The following EIF3H variants were observed in gnomAD, a reference collection of about 807,000 sequenced individuals.
EIF3H encodes eukaryotic translation initiation factor 3 subunit H.
EIF3H carries 26 observed loss-of-function variants against 44.2 expected under a neutral mutation model. The ratio of observed to expected loss-of-function variants is 0.59; its 90% CI spans 0.43 to 0.82. EIF3H has a LOEUF of 0.82. Among genes scored for constraint, EIF3H ranks in the 40% least tolerant of loss-of-function variants. The pLI is 0.00. For synonymous variants in EIF3H, 166 were observed against 151.9 expected (o/e 1.09, Z -0.68); for missense variants, 359 against 432.8 (o/e 0.83, Z 1.51).
chr8:116,765,393 C>A (rs1815561213), intron 1 of EIF3H: 1 of 152,152 alleles, frequency 6.6e-6, no homozygotes, highest in Non-Finnish European at 1.5e-5. Context: ...TGCATTCAAT[C>A]ACGTTGTAAA....
intron 2 of EIF3H, among the ~76,000 whole-genome samples, chr8:116,690,223 A>G (rs1814150571): frequency 6.6e-6 from 1 of 152,214 alleles, no homozygotes; most frequent in South Asian, 2.1e-4. Flanking sequence ...GATGGACCAC[A>G]CAGCAGAAAC....
chr8:116,659,025 G>T, intron 2 of EIF3H, 45 bp from the exon 3 acceptor site: 1 of 1,524,706 alleles, frequency 6.6e-7, no homozygotes, highest in Non-Finnish European at 8.8e-7. Context: ...ACTTTTTAAT[G>T]ATGTTACCAA....
intron 1 of EIF3H, among the ~76,000 whole-genome samples, chr8:116,743,165 A>G (rs949446958): frequency 5.3e-5 from 8 of 152,320 alleles, no homozygotes; most frequent in African/African-American, 1.9e-4. Context: ...GCTGGCAGGC[A>G]AGGCCAGGTG....
intron 1 of EIF3H, among the ~76,000 whole-genome samples, chr8:116,727,007 T>G (rs1037879757): frequency 6.6e-6 from 1 of 152,192 alleles, no homozygotes; most frequent in African/African-American, 2.4e-5. Context: ...GGCAACACAT[T>G]CAAAATTGTA....
chr8:116,714,143 T>C (rs1489582787), intron 2 of EIF3H, among the ~76,000 whole-genome samples: 2 of 152,094 alleles, frequency 1.3e-5, no homozygotes, highest in Admixed American at 6.5e-5. Flanking sequence ...AAAAAATATA[T>C]ACATATTAGT....
chr8:116,651,946 G>A (rs1448418339), intron 5 of EIF3H, among the ~76,000 whole-genome samples: 1 of 152,158 alleles, frequency 6.6e-6, no homozygotes, highest in Non-Finnish European at 1.5e-5. Flanking sequence ...TTACAATTTT[G>A]AAAGAGGAAA....
chr8:116,645,226 G>T, intron 7 of EIF3H, 123 bp from the exon 8 acceptor site: 1 of 706,642 alleles, frequency 1.4e-6, no homozygotes. Context: ...TGAATCCAGA[G>T]TTTATTTTTC....
chr8:116,763,489 A>T (rs1224100854), intron 1 of EIF3H, among the ~76,000 whole-genome samples: 1 of 152,210 alleles, frequency 6.6e-6, no homozygotes, highest in Non-Finnish European at 1.5e-5. Context: ...AGATTATTTT[A>T]AAAAGTGACA....
At chr8:116,687,918 A>T (rs1468574328) in intron 2 of EIF3H, among the ~76,000 whole-genome samples, 2 of 152,144 alleles carry the variant, frequency 1.3e-5, no homozygotes, top group African/African-American at 4.8e-5. Context: ...GAATATTTGT[A>T]AAAAAATAAA....
In EIF3H at chr8:116,681,912, G is replaced by A. The variant is rs571031838; in HGVS notation, c.290-22932C>T. On this transcript the variant is annotated intron_variant, in intron 2 of 7. Coordinates refer to ENST00000521861, the MANE Select transcript of EIF3H (RefSeq NM_003756.3). The stretch of plus-strand genomic sequence containing the variant: ...ACATGCTCACAAAAGTGATAGTTAA[G>A]TTTAAAGATATAGATAAGATAGGGA... 6.6e-5 allele frequency among the ~76,000 whole-genome samples: 10 copies of A among 152,252 alleles called. No individual in the cohort carries two copies. The East Asian group carries it at 1.9e-3, about 29-fold the overall frequency.
chr8:116,698,655 A>G (rs1186664982), intron 2 of EIF3H, among the ~76,000 whole-genome samples: 1 of 152,214 alleles, frequency 6.6e-6, no homozygotes, highest in African/African-American at 2.4e-5. Flanking sequence ...AAATTTTAAT[A>G]TAACCTGCAT....
chr8:116,692,546 TAG>T (rs967896170), intron 2 of EIF3H, among the ~76,000 whole-genome samples: 5 of 152,174 alleles, frequency 3.3e-5, no homozygotes, highest in Admixed American at 2.6e-4. Context: ...GCAAAACATT[TAG>T]AGAGTGCTTT....
chr8:116,728,474 T>C (rs369338800), intron 1 of EIF3H, among the ~76,000 whole-genome samples: 6 of 151,996 alleles, frequency 3.9e-5, no homozygotes, highest in Admixed American at 6.5e-5. Context: ...AGTAACTAAA[T>C]TGATAGTTAA....
At chr8:116,688,520 C>T (rs577282211) in intron 2 of EIF3H, among the ~76,000 whole-genome samples, 4 of 152,208 alleles carry the variant, frequency 2.6e-5, no homozygotes, top group African/African-American at 4.8e-5. Context: ...ACTGTCATTA[C>T]ATTTATAAAG....
Position 116,686,389 on chromosome 8 carries a change from T to C in EIF3H, c.290-27409A>G, listed in dbSNP as rs141962700. Among the ~76,000 whole-genome samples, 28 of 152,226 alleles carry C rather than the reference T, an allele frequency of 1.8e-4. No homozygotes were observed. The East Asian group carries it at 4.8e-3, about 26-fold the overall frequency. On this transcript the variant is annotated intron_variant, in intron 2 of 7. Transcript: ENST00000521861. ...ACTACCTACTTATCAGAAAGAATAATACAATCTACAAACCCTGGAGACCAA... is the reference window on the plus strand; with the variant it reads ...ACTACCTACTTATCAGAAAGAATAACACAATCTACAAACCCTGGAGACCAA...
chr8:116,650,399 T>G (rs1481885389), intron 5 of EIF3H, among the ~76,000 whole-genome samples: 1 of 152,216 alleles, frequency 6.6e-6, no homozygotes, highest in Non-Finnish European at 1.5e-5. Context: ...TGAATATGTT[T>G]ATACCCTAGG....
chr8:116,708,601 T>C (rs555785122), intron 2 of EIF3H, among the ~76,000 whole-genome samples: 1 of 152,144 alleles, frequency 6.6e-6, no homozygotes. Context: ...TTAAATTCTG[T>C]GATTAGTGTA....
chr8:116,695,859 C>T (rs1814261978), intron 2 of EIF3H, among the ~76,000 whole-genome samples: 1 of 152,102 alleles, frequency 6.6e-6, no homozygotes, highest in South Asian at 2.1e-4. Flanking sequence ...ATAATATGAA[C>T]AAGTGTTTCA....
chr8:116,734,033 T>A (rs1814992371), intron 1 of EIF3H, among the ~76,000 whole-genome samples: 1 of 152,134 alleles, frequency 6.6e-6, no homozygotes, highest in African/African-American at 2.4e-5. Flanking sequence ...ATCACACTAA[T>A]CATGTAGCAT....
Sources: allele counts gnomAD v4.1 joint callset (sites outside exome capture counted in the v4.1 genomes callset), GRCh38; gene constraint gnomAD v4.1.1; transcripts MANE v1.5; gene names NCBI Gene and HGNC (gene_info 2026-07-23, HGNC 2026-07-21).